SPATS1: variants seen among roughly 807,000 people sequenced by gnomAD.
The protein encoded by SPATS1 is spermatogenesis-associated serine-rich protein 1.
SPATS1 carries 23 observed loss-of-function variants against 33.6 expected under a neutral mutation model. The observed-to-expected ratio is 0.68, with a 90% CI of 0.49 to 0.97. The LOEUF (loss-of-function observed/expected upper bound fraction) is 0.97, where lower values mean the gene tolerates loss of function less well. Among genes scored for constraint, SPATS1 ranks in the 50% least tolerant of loss-of-function variants. The pLI is 0.00. For synonymous variants in SPATS1, 131 were observed against 125.6 expected, an observed-to-expected ratio of 1.04 and a Z score of -0.29; for missense variants, 327 against 361.0, an observed-to-expected ratio of 0.91 and a Z score of 0.76.
At chr6:44,368,819 T>C (rs2153369294) in intron 6 of SPATS1, among the ~76,000 whole-genome samples, 1 of 152,282 alleles carries the variant, frequency 6.6e-6, no homozygotes, top group African/African-American at 2.4e-5. Flanking sequence ...GGACTTAAAC[T>C]TGGAAATAAA....
intron 5 of SPATS1, among the ~76,000 whole-genome samples, chr6:44,365,293 C>T (rs191256375): frequency 1.3e-5 from 2 of 152,182 alleles, no homozygotes; most frequent in African/African-American, 4.8e-5. Flanking sequence ...GAACAAAATG[C>T]CATCTATGAT....
intron 7 of SPATS1, among the ~76,000 whole-genome samples, chr6:44,375,676 G>A (rs1175291403): frequency 1.3e-5 from 2 of 152,158 alleles, no homozygotes; most frequent in Non-Finnish European, 2.9e-5. Flanking sequence ...TGGGCGTGGT[G>A]TCATGTGCCT....
rs1281791901 is a variant in SPATS1, at chr6:44,377,135, T to C, written c.*72T>C. 2.2e-5 allele frequency: 35 copies of C among 1,572,286 alleles called. No homozygotes were observed. Among genetic ancestry groups the C allele is most frequent in the Middle Eastern group, 3.3e-4 (2 of 6,000 alleles). On this transcript the variant is annotated 3_prime_UTR_variant, in exon 9 of 9. Coordinates refer to ENST00000674044, the MANE Select transcript of SPATS1 (RefSeq NM_001372081.1). The stretch of plus-strand genomic sequence containing the variant: ...CTTTTCCAGTTGATGTTTTTTGTCA[T>C]GTGACTGTTCTAAATCCAGTGTTTG...
intron 5 of SPATS1, among the ~76,000 whole-genome samples, chr6:44,367,213 G>A (rs1216031297): frequency 1.3e-5 from 2 of 152,130 alleles, no homozygotes; most frequent in Non-Finnish European, 2.9e-5. Flanking sequence ...TCAGCCTCCC[G>A]AGTAACTGGG....
At chr6:44,367,609 C>T (rs879402159) in intron 5 of SPATS1, among the ~76,000 whole-genome samples, 17 of 152,190 alleles carry the variant, frequency 1.1e-4, no homozygotes, top group Admixed American at 7.9e-4. Flanking sequence ...TGCTTCCAGC[C>T]ACGTGTCCCT....
intron 2 of SPATS1, among the ~76,000 whole-genome samples, chr6:44,348,097 C>T (rs1028037628): frequency 2.6e-5 from 4 of 151,944 alleles, no homozygotes; most frequent in Non-Finnish European, 5.9e-5. Context: ...TAACCCCCGC[C>T]TCCTGGGATC....
chr6:44,352,454 T>A (rs964272012), intron 2 of SPATS1, among the ~76,000 whole-genome samples: 1 of 152,170 alleles, frequency 6.6e-6, no homozygotes, highest in Non-Finnish European at 1.5e-5. Context: ...CCTAGATGTT[T>A]ACTTTTTATG....
intron 3 of SPATS1, among the ~76,000 whole-genome samples, chr6:44,354,845 C>T (rs1335112545): frequency 6.6e-6 from 1 of 152,096 alleles, no homozygotes; most frequent in Non-Finnish European, 1.5e-5. Context: ...ATTTTTGAGA[C>T]AGGATCTTGT....
At chr6:44,344,254 C>A (rs1787737231) in intron 2 of SPATS1, among the ~76,000 whole-genome samples, 1 of 152,088 alleles carries the variant, frequency 6.6e-6, no homozygotes, top group Non-Finnish European at 1.5e-5. Flanking sequence ...AGGTCCCAGA[C>A]CACATTAATG....
At position 44,379,599 on chromosome 6, in the gene SPATS1, C is replaced by CAAAAAAAAAAAAAAAA. The variant is rs55976441; in HGVS notation, c.*2549_*2564dup. Reference sequence around the variant, plus strand: ...TGGGCAACAGAGTGAGACTCTGTCTCAAAAAAAAAAAAAAAAAAAAAAAAA... The same window carrying CAAAAAAAAAAAAAAAA: ...TGGGCAACAGAGTGAGACTCTGTCTCAAAAAAAAAAAAAAAAAAAAAAAAAAAAAAAAAAAAAAAAA... On this transcript the variant is annotated 3_prime_UTR_variant, in exon 9 of 9. Coordinates refer to ENST00000674044, the MANE Select transcript of SPATS1 (RefSeq NM_001372081.1). 1.3e-4 allele frequency among the ~76,000 whole-genome samples: 7 copies of CAAAAAAAAAAAAAAAA among 54,744 alleles called. No homozygotes were observed. Among genetic ancestry groups the CAAAAAAAAAAAAAAAA allele is most frequent in the African/African-American group, 1.5e-4 (2 of 13,146 alleles). 35.9% of individuals were successfully genotyped at this position (54,744 alleles called of 152,430 possible).
intron 7 of SPATS1, among the ~76,000 whole-genome samples, chr6:44,375,346 C>G (rs964873092): frequency 1.2e-4 from 18 of 152,304 alleles, no homozygotes; most frequent in Middle Eastern, 3.4e-3. Context: ...GTTTGCAGAA[C>G]AGTAAGCGCT....
intron 2 of SPATS1, among the ~76,000 whole-genome samples, chr6:44,344,578 C>T (rs184851857): frequency 6.6e-6 from 1 of 151,984 alleles, no homozygotes; most frequent in African/African-American, 2.4e-5. Context: ...AATGAGTATC[C>T]ATGTTAAACA....
chr6:44,374,762 G>A (rs998556534), intron 7 of SPATS1, among the ~76,000 whole-genome samples: 29 of 152,138 alleles, frequency 1.9e-4, no homozygotes, highest in African/African-American at 6.3e-4. Context: ...AGAAATGCTC[G>A]TGTTTTTGTT....
chr6:44,357,168 CA>C (rs371726885), intron 3 of SPATS1, among the ~76,000 whole-genome samples: 1 of 152,182 alleles, frequency 6.6e-6, no homozygotes, highest in African/African-American at 2.4e-5. Flanking sequence ...CTGCCACAAC[CA>C]CATCAAATTT....
In SPATS1 at chr6:44,348,657, CG is replaced by C. The variant is rs144587634; in HGVS notation, c.140-4068del. Among the ~76,000 whole-genome samples the C allele has an allele frequency of 4.5e-3, 687 of 152,214 alleles. 5 individuals carry two copies. Among genetic ancestry groups the C allele is most frequent in the African/African-American group, 0.015 (628 of 41,530 alleles). ...TGTATGAGCACTGAAGCATGTAGAA[CG>C]TGTGTTCATAGCTTGGAAAAAACTC... On this transcript the variant is annotated intron_variant, in intron 2 of 8. Coordinates refer to ENST00000674044, the MANE Select transcript of SPATS1 (RefSeq NM_001372081.1).
intron 4 of SPATS1, among the ~76,000 whole-genome samples, chr6:44,360,826 C>T (rs1455078194): frequency 6.6e-6 from 1 of 152,138 alleles, no homozygotes; most frequent in African/African-American, 2.4e-5. Flanking sequence ...AACTCCTTCC[C>T]CAATATTTTT....
intron 8 of SPATS1, 87 bp from the exon 9 acceptor site, chr6:44,376,948 G>C: frequency 6.6e-7 from 1 of 1,506,356 alleles, no homozygotes; most frequent in Non-Finnish European, 9.2e-7. Context: ...AGATGTCATA[G>C]CCAAGCATTG....
chr6:44,370,060 TGAAAA>T lies in SPATS1; in HGVS notation c.710_714del (p.Lys237IlefsTer2). The T allele has an allele frequency of 6.2e-7, 1 of 1,612,294 alleles. No individual in the cohort carries two copies. Among genetic ancestry groups the T allele is most frequent in the Non-Finnish European group, 8.5e-7 (1 of 1,178,698 alleles). On this transcript the variant is annotated frameshift_variant, in exon 7 of 9. Transcript: ENST00000674044. LOFTEE classifies it high-confidence loss of function. ...CTTTTCTGTTTTTCAGAGTGCCTTA[TGAAAA>T]GAAATTTGATACATTTATTCCACTT...
At chr6:44,343,487 C>T in intron 2 of SPATS1, 4 of 583,570 alleles carry the variant, frequency 6.9e-6, no homozygotes, top group Non-Finnish European at 1.3e-5. Context: ...AAGTATATTA[C>T]CTATGAGTAA....
Sources: allele counts gnomAD v4.1 joint callset (sites outside exome capture counted in the v4.1 genomes callset), GRCh38; gene constraint gnomAD v4.1.1; transcripts MANE v1.5; gene names NCBI Gene and HGNC (gene_info 2026-07-23, HGNC 2026-07-21).